The following TASP1 variants were observed in gnomAD, a reference collection of about 807,000 sequenced individuals.
The protein encoded by TASP1 is threonine aspartase 1.
In TASP1, 16 loss-of-function variants were observed where a neutral mutation model predicts 56.6. The observed-to-expected ratio is 0.28, with a 90% CI of 0.19 to 0.43. The LOEUF (loss-of-function observed/expected upper bound fraction) is 0.43, where lower values mean the gene tolerates loss of function less well. TASP1 is among the 20% of genes least tolerant of loss of function. TASP1 has a pLI of 1.00. For synonymous variants in TASP1, 179 were observed against 184.2 expected (o/e 0.97, Z 0.23); for missense variants, 393 against 511.6 (o/e 0.77, Z 2.24).
the TASP1 span, among the ~76,000 whole-genome samples, chr20:13,215,973 A>G: frequency 1.3e-5 from 2 of 152,192 alleles, no homozygotes; most frequent in Non-Finnish European, 2.9e-5. Flanking sequence ...TAATGGAACA[A>G]CACTTCAGGC....
the TASP1 span, among the ~76,000 whole-genome samples, chr20:13,224,853 T>A: frequency 6.9e-6 from 1 of 144,144 alleles, no homozygotes. Context: ...TTTTTTTTTT[T>A]TTTTTTTTTT....
downstream of TASP1, among the ~76,000 whole-genome samples, chr20:13,384,876 G>C (rs2041152945): frequency 6.6e-6 from 1 of 152,204 alleles, no homozygotes; most frequent in African/African-American, 2.4e-5. Context: ...GGGAGGGGGA[G>C]TGGCTTCCAC....
At chr20:13,147,609 G>A in the TASP1 span, among the ~76,000 whole-genome samples, 1 of 152,170 alleles carries the variant, frequency 6.6e-6, no homozygotes, top group Non-Finnish European at 1.5e-5. Flanking sequence ...TTAGACCACT[G>A]CAGGCATTCT....
At chr20:13,128,467 C>A in the TASP1 span, among the ~76,000 whole-genome samples, 1 of 152,258 alleles carries the variant, frequency 6.6e-6, no homozygotes, top group East Asian at 1.9e-4. Context: ...CTGCTTTCAC[C>A]TTAAGGGTTC....
the TASP1 span, among the ~76,000 whole-genome samples, chr20:13,278,579 T>G: frequency 6.6e-6 from 1 of 152,240 alleles, no homozygotes; most frequent in Non-Finnish European, 1.5e-5. Flanking sequence ...TCCCCATGTC[T>G]GCCACTTACT....
chr20:13,587,332 T>A lies in TASP1; in HGVS notation c.321A>T (p.Leu107=), dbSNP rs1407748555. 2 of 1,611,760 alleles carry A rather than the reference T, an allele frequency of 1.2e-6. No individual in the cohort carries two copies. Among genetic ancestry groups the A allele is most frequent in the East Asian group, 4.5e-5 (2 of 44,710 alleles). The change falls in exon 5 of 14, where the codon CTA becomes CTT. Residue 107 remains leucine (L), a synonymous_variant. Coordinates refer to ENST00000337743, the MANE Select transcript of TASP1 (RefSeq NM_017714.3). ...CACACTCAATTTCACCTAACAGATTTAGATTAGATCCCATTCCTGCATTTG... is the reference window on the plus strand; with the variant it reads ...CACACTCAATTTCACCTAACAGATTAAGATTAGATCCCATTCCTGCATTTG... The part of the protein sequence containing the change: ...PFTNAGMGSN[L]NLLGEIECDA...
the TASP1 span, chr20:13,164,675 C>A: frequency 9.8e-7 from 1 of 1,018,162 alleles, no homozygotes; most frequent in Non-Finnish European, 1.5e-6. Context: ...CTTTGTGAGG[C>A]TTGCTATTAA....
the TASP1 span, among the ~76,000 whole-genome samples, chr20:13,347,566 C>A: frequency 6.6e-6 from 1 of 152,202 alleles, no homozygotes; most frequent in South Asian, 2.1e-4. Flanking sequence ...TGGCCAGGCA[C>A]GGTGGCTCAC....
At chr20:13,291,760 C>T in the TASP1 span, among the ~76,000 whole-genome samples, 1 of 152,202 alleles carries the variant, frequency 6.6e-6, no homozygotes, top group Non-Finnish European at 1.5e-5. Context: ...CTTGGCTATG[C>T]ATTGTAGCAT....
intron 11 of TASP1, among the ~76,000 whole-genome samples, chr20:13,446,877 C>T (rs1222453769): frequency 6.6e-6 from 1 of 152,128 alleles, no homozygotes; most frequent in Non-Finnish European, 1.5e-5. Flanking sequence ...TTAGACTTTT[C>T]AACAATGAAT....
chr20:13,319,760 G>A, the TASP1 span, among the ~76,000 whole-genome samples: 110 of 152,348 alleles, frequency 7.2e-4, no homozygotes, highest in African/African-American at 2.5e-3. Context: ...ACACTCTAGA[G>A]GGTGAGAGAG....
the TASP1 span, among the ~76,000 whole-genome samples, chr20:13,194,111 T>A: frequency 2.0e-5 from 3 of 152,176 alleles, no homozygotes; most frequent in Non-Finnish European, 2.9e-5. Flanking sequence ...TTAGTTTTGT[T>A]TTTTCTTCTT....
At chr20:13,392,294 A>T (rs575996480) in intron 13 of TASP1, among the ~76,000 whole-genome samples, 3 of 152,268 alleles carry the variant, frequency 2.0e-5, no homozygotes, top group South Asian at 2.1e-4. Context: ...TGCCCTGCTC[A>T]TACATCTCTC....
the TASP1 span, among the ~76,000 whole-genome samples, chr20:13,313,452 C>T: frequency 9.2e-5 from 14 of 152,294 alleles, no homozygotes; most frequent in Non-Finnish European, 1.5e-4. Context: ...AACACGGAGC[C>T]GTAGTCAATT....
the TASP1 span, among the ~76,000 whole-genome samples, chr20:13,286,980 G>A: frequency 6.6e-6 from 1 of 152,348 alleles, no homozygotes; most frequent in South Asian, 2.1e-4. Flanking sequence ...CAGAGGTACT[G>A]CAGAAAGAAT....
At chr20:13,613,991 AT>A (rs1555804747) in intron 4 of TASP1, among the ~76,000 whole-genome samples, 1 of 152,066 alleles carries the variant, frequency 6.6e-6, no homozygotes, top group African/African-American at 2.4e-5. Flanking sequence ...CTTTTTTGGC[AT>A]TCTCTTTTCT....
chr20:13,207,561 A>C, the TASP1 span, among the ~76,000 whole-genome samples: 1 of 152,226 alleles, frequency 6.6e-6, no homozygotes, highest in Non-Finnish European at 1.5e-5. Flanking sequence ...TTGGTGGTGC[A>C]GTTCTGAGAA....
intron 4 of TASP1, among the ~76,000 whole-genome samples, chr20:13,612,399 G>C (rs776518905): frequency 1.4e-4 from 21 of 151,558 alleles, no homozygotes; most frequent in Non-Finnish European, 2.5e-4. Flanking sequence ...AATATCATTA[G>C]TATAGACAAC....
the TASP1 span, among the ~76,000 whole-genome samples, chr20:13,282,890 G>A: frequency 6.6e-6 from 1 of 152,148 alleles, no homozygotes. Context: ...AAAACTCTAC[G>A]CCCATTGTAG....
Sources: allele counts gnomAD v4.1 joint callset (sites outside exome capture counted in the v4.1 genomes callset), GRCh38; gene constraint gnomAD v4.1.1; transcripts MANE v1.5; gene names NCBI Gene and HGNC (gene_info 2026-07-23, HGNC 2026-07-21).